The following USP24 variants were observed in gnomAD, a reference collection of about 807,000 sequenced individuals.
USP24 encodes the protein ubiquitin specific peptidase 24, also known as ubiquitin carboxyl-terminal hydrolase 24.
A neutral mutation model predicts 361.6 loss-of-function variants in USP24; 97 were observed. The ratio of observed to expected loss-of-function variants is 0.27; its 90% CI spans 0.23 to 0.32. The LOEUF is 0.32. Among genes scored for constraint, USP24 ranks in the 10% least tolerant of loss-of-function variants. USP24 has a pLI of 1.00. For missense variants in USP24, 2,353 were observed against 3,165.6 expected (o/e 0.74, Z 6.16); for synonymous variants, 1,098 against 1,124.6 (o/e 0.98, Z 0.47).
chr1:55,117,585 G>A lies in USP24; in HGVS notation c.4508+3011C>T, dbSNP rs551042034. Among the ~76,000 whole-genome samples, 28 of 151,624 alleles carry A rather than the reference G, an allele frequency of 1.8e-4. No homozygotes were observed. The South Asian group carries it at 4.2e-3, about 23-fold the overall frequency. On this transcript the variant is annotated intron_variant, in intron 38 of 67. Coordinates refer to ENST00000294383, the MANE Select transcript of USP24 (RefSeq NM_015306.3). ...CTACTAAAAATACAAAAAATTAGCC[G>A]GGCGCGGTGGCGGGCGCCTGTAGTC...
intron 1 of USP24, among the ~76,000 whole-genome samples, chr1:55,204,055 C>G (rs1036745203): frequency 2.0e-5 from 3 of 152,108 alleles, no homozygotes; most frequent in African/African-American, 7.2e-5. Flanking sequence ...TAACATTTTC[C>G]AAGTTTTAGC....
At chr1:55,206,199 T>C (rs895281258) in intron 1 of USP24, among the ~76,000 whole-genome samples, 1 of 152,156 alleles carries the variant, frequency 6.6e-6, no homozygotes, top group African/African-American at 2.4e-5. Context: ...GAGCCAGGAG[T>C]ACTAAGGACA....
chr1:55,136,231 G>A (rs1048740073), intron 28 of USP24, among the ~76,000 whole-genome samples: 1 of 152,128 alleles, frequency 6.6e-6, no homozygotes, highest in African/African-American at 2.4e-5. Flanking sequence ...CATCAGGAAA[G>A]AACAGTTTAG....
At chr1:55,147,098 C>T in intron 18 of USP24, 38 bp from the exon 19 acceptor site, 1 of 1,496,696 alleles carries the variant, frequency 6.7e-7, no homozygotes. Flanking sequence ...TAACTCCAGG[C>T]ATTCATTCCT....
intron 28 of USP24, among the ~76,000 whole-genome samples, chr1:55,136,351 G>A (rs895539624): frequency 1.3e-5 from 2 of 152,106 alleles, no homozygotes; most frequent in African/African-American, 2.4e-5. Context: ...GAGAGGCTCC[G>A]GGGGACACAT....
intron 40 of USP24, 50 bp from the exon 41 acceptor site, chr1:55,106,313 C>A: frequency 3.5e-6 from 5 of 1,421,686 alleles, no homozygotes; most frequent in South Asian, 1.2e-5. Context: ...TATTTTAATT[C>A]AAAGATCCTA....
chr1:55,208,872 G>A (rs563587180), intron 1 of USP24, among the ~76,000 whole-genome samples: 1 of 152,022 alleles, frequency 6.6e-6, no homozygotes, highest in African/African-American at 2.4e-5. Context: ...GAAGGCGGAC[G>A]TTGCAGTGAG....
chr1:55,154,587 T>C, intron 13 of USP24, 84 bp downstream of exon 13: 2 of 1,452,934 alleles, frequency 1.4e-6, no homozygotes, highest in Non-Finnish European at 1.9e-6. Flanking sequence ...TACTGCTAAC[T>C]GGTGGGGAGG....
At chr1:55,188,740 C>T (rs1421838138) in intron 1 of USP24, among the ~76,000 whole-genome samples, 1 of 151,858 alleles carries the variant, frequency 6.6e-6, no homozygotes, top group Non-Finnish European at 1.5e-5. Flanking sequence ...AGGTGGATTG[C>T]CTGAGATCAG....
At chr1:55,109,035 CTGGAG>C (rs1174537694) in intron 39 of USP24, among the ~76,000 whole-genome samples, 2 of 152,232 alleles carry the variant, frequency 1.3e-5, no homozygotes, top group South Asian at 2.1e-4. Context: ...GTCGCCCAGG[CTGGAG>C]TGCAGTGATG....
intron 8 of USP24, among the ~76,000 whole-genome samples, chr1:55,161,170 G>C (rs1176237956): frequency 6.6e-6 from 1 of 151,972 alleles, no homozygotes. Flanking sequence ...TCAGGAGTTT[G>C]AGACCAGCCT....
chr1:55,138,434 A>T (rs1201221961), intron 26 of USP24, among the ~76,000 whole-genome samples, 174 bp downstream of exon 26: 1 of 152,126 alleles, frequency 6.6e-6, no homozygotes, highest in Non-Finnish European at 1.5e-5. Context: ...GACATTATAT[A>T]ATATTTATTT....
chr1:55,141,519 G>A (rs1410098757), intron 24 of USP24, 97 bp downstream of exon 24: 4 of 1,077,296 alleles, frequency 3.7e-6, no homozygotes, highest in South Asian at 2.9e-5. Flanking sequence ...GATATAAAAT[G>A]AGGAAATCAA....
intron 7 of USP24, 68 bp from the exon 8 acceptor site, chr1:55,162,332 T>C: frequency 7.3e-7 from 1 of 1,371,650 alleles, no homozygotes; most frequent in Non-Finnish European, 9.7e-7. Context: ...ATTAAACAAA[T>C]CCCTTTTCAT....
At chr1:55,187,118 A>G (rs12069079) in intron 1 of USP24, among the ~76,000 whole-genome samples, 28,011 of 151,976 alleles carry the variant, frequency 0.18, 2,709 homozygotes, top group African/African-American at 0.21. Context: ...ATACAAAAAA[A>G]CAAACAAACA....
chr1:55,146,717 C>A (rs1368114031), intron 19 of USP24, among the ~76,000 whole-genome samples: 1 of 151,946 alleles, frequency 6.6e-6, no homozygotes, highest in East Asian at 1.9e-4. Flanking sequence ...GGTATTTTAT[C>A]CAGAATGGTA....
chr1:55,199,272 G>C (rs570941597), intron 1 of USP24, among the ~76,000 whole-genome samples: 4 of 152,016 alleles, frequency 2.6e-5, no homozygotes, highest in Non-Finnish European at 4.4e-5. Flanking sequence ...TTGGGCGACA[G>C]AGCGAGACTC....
intron 48 of USP24, 125 bp downstream of exon 48, chr1:55,097,473 T>G: frequency 7.3e-7 from 1 of 1,370,380 alleles, no homozygotes; most frequent in Non-Finnish European, 9.7e-7. Context: ...GATAAGGGGC[T>G]CTTCATAATG....
At chr1:55,173,518 T>C (rs1158101241) in intron 3 of USP24, among the ~76,000 whole-genome samples, 1 of 152,158 alleles carries the variant, frequency 6.6e-6, no homozygotes, top group African/African-American at 2.4e-5. Context: ...TAAATTGGTA[T>C]GGTGGTTTCA....
Sources: gnomAD v4.1 joint callset for allele counts (sites outside exome capture counted in the v4.1 genomes callset) on GRCh38, gnomAD v4.1.1 for gene constraint, MANE v1.5 for transcripts, NCBI Gene and HGNC (gene_info 2026-07-23, HGNC 2026-07-21) for gene names.